SGO2: variants seen among roughly 807,000 people sequenced by gnomAD.
SGO2 encodes shugoshin 2.
In SGO2, 68 loss-of-function variants were observed where a neutral mutation model predicts 99.5. The ratio of observed to expected loss-of-function variants is 0.68; its 90% CI spans 0.56 to 0.84. The LOEUF (loss-of-function observed/expected upper bound fraction) is 0.84, where lower values mean the gene tolerates loss of function less well. Among genes scored for constraint, SGO2 ranks in the 40% least tolerant of loss-of-function variants. SGO2 has a pLI of 0.00. For synonymous variants in SGO2, 457 were observed against 487.1 expected, an observed-to-expected ratio of 0.94 and a Z score of 0.81; for missense variants, 1,350 against 1,436.7, an observed-to-expected ratio of 0.94 and a Z score of 0.97.
intron 4 of SGO2, among the ~76,000 whole-genome samples, chr2:200,539,707 G>A (rs998510766): frequency 6.6e-6 from 1 of 151,820 alleles, no homozygotes; most frequent in African/African-American, 2.4e-5. Flanking sequence ...TTATCTTTTT[G>A]AGGTTCACTC....
intron 5 of SGO2, among the ~76,000 whole-genome samples, chr2:200,550,900 A>G (rs1443522298): frequency 6.6e-6 from 1 of 152,142 alleles, no homozygotes; most frequent in Non-Finnish European, 1.5e-5. Flanking sequence ...GTGAAGAGAC[A>G]ACCCATATAA....
rs945836554 is a variant in SGO2 at position 200,534,902 on chromosome 2, T to A, written c.134-94T>A. ...CCTTTTCTAATCTTCAGTTAAAACT[T>A]GTGAAATGCATTTTGTCTATGTTTT... On this transcript the variant is annotated intron_variant, in intron 2 of 8. Transcript: ENST00000357799. 2.4e-4 allele frequency: 193 copies of A among 807,058 alleles called. 1 individual carries two copies. Among genetic ancestry groups the A allele is most frequent in the Non-Finnish European group, 2.6e-4 (144 of 548,858 alleles). 50.0% of individuals were successfully genotyped at this position (807,058 alleles called of 1,614,324 possible).
chr2:200,541,823 T>C (rs746916635), intron 4 of SGO2, among the ~76,000 whole-genome samples: 14 of 152,216 alleles, frequency 9.2e-5, no homozygotes, highest in Non-Finnish European at 1.9e-4. Flanking sequence ...CTTTGTGCTT[T>C]TGTCAAAAAT....
At chr2:200,556,569 G>T (rs2032727777) in intron 5 of SGO2, among the ~76,000 whole-genome samples, 1 of 152,046 alleles carries the variant, frequency 6.6e-6, no homozygotes. Flanking sequence ...TACATGGAGG[G>T]GAAGAGAATC....
At chr2:200,565,653 G>A (rs777502671) in intron 5 of SGO2, among the ~76,000 whole-genome samples, 26 of 152,214 alleles carry the variant, frequency 1.7e-4, no homozygotes, top group African/African-American at 5.1e-4. Flanking sequence ...ATCCGGAAGA[G>A]TGTTTTCCAA....
chr2:200,560,636 A>G (rs1559210227), intron 5 of SGO2, among the ~76,000 whole-genome samples: 2 of 151,922 alleles, frequency 1.3e-5, no homozygotes, highest in African/African-American at 4.8e-5. Flanking sequence ...ATGATGTATT[A>G]TTCTTTCTAT....
intron 5 of SGO2, among the ~76,000 whole-genome samples, chr2:200,548,704 T>A (rs1478258904): frequency 6.6e-6 from 1 of 151,972 alleles, no homozygotes; most frequent in Non-Finnish European, 1.5e-5. Context: ...TGACAAACCT[T>A]TAGCTAGACT....
At chr2:200,536,002 C>T in intron 3 of SGO2, 63 bp from the exon 4 acceptor site, 8 of 1,041,646 alleles carry the variant, frequency 7.7e-6, no homozygotes, top group Admixed American at 2.5e-5. Context: ...TCATAAATGC[C>T]TGATATTATA....
chr2:200,542,691 T>C (rs764450108), intron 5 of SGO2, 27 bp downstream of exon 5: 1 of 1,562,332 alleles, frequency 6.4e-7, no homozygotes, highest in Non-Finnish European at 8.8e-7. Flanking sequence ...ATTACACTAG[T>C]TCAGAGTATA....
At chr2:200,562,864 G>A (rs140555969) in intron 5 of SGO2, among the ~76,000 whole-genome samples, 2,433 of 152,210 alleles carry the variant, frequency 0.016, 79 homozygotes, top group African/African-American at 0.055. Context: ...CTGTTTGTCT[G>A]TTATTGGTGT....
chr2:200,560,764 C>T (rs2032908381), intron 5 of SGO2, among the ~76,000 whole-genome samples: 1 of 152,126 alleles, frequency 6.6e-6, no homozygotes, highest in Admixed American at 6.5e-5. Flanking sequence ...AAGGGTTATG[C>T]TGGCCTCATG....
chr2:200,529,581 GGT>G (rs2031270514), intron 1 of SGO2, among the ~76,000 whole-genome samples: 2 of 152,186 alleles, frequency 1.3e-5, no homozygotes, highest in African/African-American at 4.8e-5. Flanking sequence ...GGAGTGCCAT[GGT>G]TTGATCTCAC....
In SGO2 at chr2:200,555,140, C is replaced by G. The variant is rs1006773987; in HGVS notation, c.473+12476C>G. On this transcript the variant is annotated intron_variant, in intron 5 of 8. Transcript: ENST00000357799. Reference sequence around the variant, plus strand: ...CAAGGCAAAAAGATATTCACATTCCCATGACTTTTTATAATCTTTTCCCAA... The same window carrying G: ...CAAGGCAAAAAGATATTCACATTCCGATGACTTTTTATAATCTTTTCCCAA... 2.6e-5 allele frequency among the ~76,000 whole-genome samples: 4 copies of G among 152,304 alleles called. No homozygotes were observed. The South Asian group carries it at 6.2e-4, about 24-fold the overall frequency.
In SGO2 at chr2:200,570,099, C is replaced by T; in HGVS notation, c.703+207C>T. On this transcript the variant is annotated intron_variant, in intron 6 of 8. Coordinates refer to ENST00000357799, the MANE Select transcript of SGO2 (RefSeq NM_152524.6). This position sits in a 1 kb window ranked among gnomAD's most constrained non-coding sequence, Gnocchi z 4.4. Reference sequence around the variant, plus strand: ...ACATCACACCCACAGTGGCCTAATACTGTTACTCTGGAAGAAATATTTAGA... The same window carrying T: ...ACATCACACCCACAGTGGCCTAATATTGTTACTCTGGAAGAAATATTTAGA... 2.2e-6 allele frequency: 1 copy of T among 461,386 alleles called. No homozygotes were observed. The highest frequency in any genetic ancestry group is 3.8e-6 in the Non-Finnish European group (1 of 263,340). 28.6% of individuals were successfully genotyped at this position (461,386 alleles called of 1,614,324 possible).
rs766363125 is a variant in SGO2, at chr2:200,573,449, G to C, written c.3103G>C (p.Gly1035Arg). Reference protein sequence around the residue: ...HITSEADSDPGNPVELCKTQK... With the variant: ...HITSEADSDPRNPVELCKTQK... ...TACTAGTGAAGCAGATTCTGATCCAGGAAACCCAGTTGAACTATGTAAGAC... is the reference window on the plus strand; with the variant it reads ...TACTAGTGAAGCAGATTCTGATCCACGAAACCCAGTTGAACTATGTAAGAC... The change falls in exon 7 of 9, where the codon GGA becomes CGA. Residue 1035 changes from glycine (G) to arginine (R), a missense_variant. By Grantham distance (125) the Gly-to-Arg change is moderately radical. Coordinates refer to ENST00000357799, the MANE Select transcript of SGO2 (RefSeq NM_152524.6). 2.5e-6 allele frequency: 4 copies of C among 1,610,342 alleles called. No homozygotes were observed. The Admixed American group carries it at 6.7e-5, about 27-fold the overall frequency.
At position 200,573,771 on chromosome 2, in the gene SGO2, TACATTCACCTA is replaced by T. The variant is rs746341327; in HGVS notation, c.3430_3440del (p.Ser1144ThrfsTer6). 6.2e-7 allele frequency: 1 copy of T among 1,612,022 alleles called. No homozygotes were observed. The highest frequency in any genetic ancestry group is 1.1e-5 in the South Asian group (1 of 90,708). On this transcript the variant is annotated frameshift_variant, in exon 7 of 9. Coordinates refer to ENST00000357799, the MANE Select transcript of SGO2 (RefSeq NM_152524.6). LOFTEE classifies it high-confidence loss of function. ...AAGGCATTTAGATCTTTGTCTGAGATACATTCACCTAACATACAAGATTCTTCCTTTGACAG... is the reference window on the plus strand; with the variant it reads ...AAGGCATTTAGATCTTTGTCTGAGATACATACAAGATTCTTCCTTTGACAG...
At position 200,572,307 on chromosome 2, in the gene SGO2, A is replaced by G; in HGVS notation, c.1961A>G (p.Lys654Arg). The G allele has an allele frequency of 3.7e-6, 6 of 1,609,800 alleles. No individual in the cohort carries two copies. The highest frequency in any genetic ancestry group is 5.1e-6 in the Non-Finnish European group (6 of 1,178,782). The change falls in exon 7 of 9, where the codon AAA (lysine) becomes AGA (arginine). Residue 654 changes from lysine to arginine, a missense_variant. Physicochemically the swap from Lys to Arg is conservative, Grantham distance 26. Transcript: ENST00000357799. ...GNFFFKTQED[K>R]EPISENIEVS... ...TTTTTTTTCAAAACCCAAGAGGATA[A>G]AGAACCTATCTCTGAAAACATAGAA...
intron 5 of SGO2, among the ~76,000 whole-genome samples, chr2:200,562,051 T>A (rs1331604788): frequency 6.6e-6 from 1 of 152,250 alleles, no homozygotes; most frequent in Non-Finnish European, 1.5e-5. Flanking sequence ...GCAGAAGCCC[T>A]TTAGTTTAAT....
chr2:200,573,114 T>C lies in SGO2; in HGVS notation c.2768T>C (p.Ile923Thr), dbSNP rs571126799. The change falls in exon 7 of 9, where the codon ATA becomes ACA. Residue 923 changes from isoleucine to threonine, a missense_variant. Transcript: ENST00000357799. ...GAAATAATTTCTGAAATGAACCAGATATATGAGGATAATGATAAAGATGCA... is the reference window on the plus strand; with the variant it reads ...GAAATAATTTCTGAAATGAACCAGACATATGAGGATAATGATAAAGATGCA... ...KTEIISEMNQIYEDNDKDAHV... is the reference protein window; with the variant it reads ...KTEIISEMNQTYEDNDKDAHV... 6.3e-7 allele frequency: 1 copy of C among 1,591,024 alleles called. No homozygotes were observed. The highest frequency in any genetic ancestry group is 1.4e-5 in the African/African-American group (1 of 73,492).
Sources: gnomAD v4.1 joint callset for allele counts (sites outside exome capture counted in the v4.1 genomes callset) on GRCh38, gnomAD v4.1.1 for gene constraint, Gnocchi (gnomAD v3.1) non-coding constraint, MANE v1.5 for transcripts, NCBI Gene and HGNC (gene_info 2026-07-23, HGNC 2026-07-21) for gene names.